KHDRBS2: variants seen among roughly 807,000 people sequenced by gnomAD.
KHDRBS2 encodes the protein KH RNA binding domain containing, signal transduction associated 2, also known as KH domain-containing, RNA-binding, signal transduction-associated protein 2.
In KHDRBS2, 26 loss-of-function variants were observed where a neutral mutation model predicts 44.3. The observed-to-expected ratio is 0.59, with a 90% confidence interval of 0.43 to 0.81. The LOEUF (loss-of-function observed/expected upper bound fraction) is 0.81. Ranked by LOEUF, KHDRBS2 falls within the 40% of genes least tolerant of loss-of-function variation. The pLI is 0.00. For missense variants in KHDRBS2, 476 were observed against 433.1 expected, an observed-to-expected ratio of 1.10 and a Z score of -0.88; for synonymous variants, 194 against 151.1, an observed-to-expected ratio of 1.28 and a Z score of -2.08.
At chr6:62,133,269 G>A (rs1450291413) in intron 2 of KHDRBS2, among the ~76,000 whole-genome samples, 2 of 152,070 alleles carry the variant, frequency 1.3e-5, no homozygotes, top group Non-Finnish European at 2.9e-5. Flanking sequence ...AGACACAGTG[G>A]GAGATAACTG....
intron 8 of KHDRBS2, among the ~76,000 whole-genome samples, chr6:61,689,287 A>G (rs1245628011): frequency 6.6e-6 from 1 of 151,896 alleles, no homozygotes; most frequent in African/African-American, 2.4e-5. Flanking sequence ...GCTATGATAA[A>G]ACTATAATCA....
intron 2 of KHDRBS2, among the ~76,000 whole-genome samples, chr6:62,050,605 T>A (rs751409698): frequency 6.6e-6 from 1 of 150,746 alleles, no homozygotes; most frequent in Non-Finnish European, 1.5e-5. Context: ...CACACACACA[T>A]ATATACATAC....
intron 2 of KHDRBS2, among the ~76,000 whole-genome samples, chr6:62,088,989 T>G (rs1798964573): frequency 6.6e-6 from 1 of 152,212 alleles, no homozygotes; most frequent in African/African-American, 2.4e-5. Context: ...CTCCACCCAG[T>G]GTGAACTTCC....
At chr6:61,977,897 T>C (rs1773025082) in intron 4 of KHDRBS2, among the ~76,000 whole-genome samples, 169 bp downstream of exon 4, 1 of 152,300 alleles carries the variant, frequency 6.6e-6, no homozygotes, top group East Asian at 1.9e-4. Context: ...CCAGGTCCTG[T>C]GTTAAGTGGT....
At chr6:61,772,236 A>G (rs1303188594) in intron 6 of KHDRBS2, among the ~76,000 whole-genome samples, 3 of 152,200 alleles carry the variant, frequency 2.0e-5, no homozygotes, top group South Asian at 2.1e-4. Flanking sequence ...TAAAATTGAC[A>G]CCCTAACATC....
chr6:61,617,352 G>A, the KHDRBS2 span, among the ~76,000 whole-genome samples: 1 of 152,048 alleles, frequency 6.6e-6, no homozygotes, highest in Non-Finnish European at 1.5e-5. Flanking sequence ...AATTTTGAAG[G>A]ATAACTATGC....
At chr6:62,122,497 G>A (rs541114468) in intron 2 of KHDRBS2, among the ~76,000 whole-genome samples, 8 of 152,166 alleles carry the variant, frequency 5.3e-5, no homozygotes, top group Admixed American at 2.6e-4. Flanking sequence ...ATATGTGATT[G>A]GGCTCCAGCA....
At chr6:61,722,897 G>C (rs1052353680) in intron 7 of KHDRBS2, among the ~76,000 whole-genome samples, 1 of 151,964 alleles carries the variant, frequency 6.6e-6, no homozygotes, top group Non-Finnish European at 1.5e-5. Flanking sequence ...TTTTAGTAGA[G>C]ATGGGGTTTC....
chr6:61,993,294 G>A (rs990501405), intron 3 of KHDRBS2, among the ~76,000 whole-genome samples: 4 of 151,840 alleles, frequency 2.6e-5, no homozygotes, highest in Admixed American at 6.6e-5. Flanking sequence ...TAGTATCACC[G>A]AAAACCTTTC....
chr6:62,176,850 G>A (rs992742331), intron 2 of KHDRBS2, among the ~76,000 whole-genome samples: 6 of 151,166 alleles, frequency 4.0e-5, no homozygotes, highest in African/African-American at 1.5e-4. Flanking sequence ...CCGTTTTATA[G>A]TAAGGATATA....
chr6:61,659,328 T>C, the KHDRBS2 span, among the ~76,000 whole-genome samples: 1 of 151,896 alleles, frequency 6.6e-6, no homozygotes, highest in African/African-American at 2.4e-5. Context: ...GATAATCAAG[T>C]ACTCCTAGAG....
intron 2 of KHDRBS2, among the ~76,000 whole-genome samples, chr6:62,146,557 G>A (rs1813988164): frequency 6.6e-6 from 1 of 151,530 alleles, no homozygotes; most frequent in South Asian, 2.1e-4. Context: ...TTTGATTTCT[G>A]TAAAATATGT....
At chr6:61,712,418 T>C (rs1164192775) in intron 7 of KHDRBS2, among the ~76,000 whole-genome samples, 1 of 151,874 alleles carries the variant, frequency 6.6e-6, no homozygotes, top group African/African-American at 2.4e-5. Flanking sequence ...TAGGTTTACA[T>C]GACACATTAG....
At chr6:61,623,880 G>T in the KHDRBS2 span, among the ~76,000 whole-genome samples, 1 of 152,160 alleles carries the variant, frequency 6.6e-6, no homozygotes, top group Non-Finnish European at 1.5e-5. Context: ...TTCAGGGATG[G>T]CTTTAAAACA....
At chr6:61,841,495 C>T (rs182843282) in intron 6 of KHDRBS2, among the ~76,000 whole-genome samples, 59 of 152,196 alleles carry the variant, frequency 3.9e-4, no homozygotes, top group Middle Eastern at 3.4e-3. Flanking sequence ...TTTGGCTTTA[C>T]AAAGATTAAA....
chr6:61,675,615 A>C (rs1440556651), downstream of KHDRBS2, among the ~76,000 whole-genome samples: 4 of 151,788 alleles, frequency 2.6e-5, no homozygotes, highest in Non-Finnish European at 5.9e-5. Flanking sequence ...GCACTATAAG[A>C]CCTCAGGACA....
intron 1 of KHDRBS2, among the ~76,000 whole-genome samples, chr6:62,283,667 A>T (rs1254153628): frequency 6.6e-6 from 1 of 152,112 alleles, no homozygotes; most frequent in Non-Finnish European, 1.5e-5. Flanking sequence ...ACTCTTCTAT[A>T]GAGATCTGAA....
chr6:61,595,029 GTC>G, the KHDRBS2 span, among the ~76,000 whole-genome samples: 1 of 152,038 alleles, frequency 6.6e-6, no homozygotes, highest in African/African-American at 2.4e-5. Flanking sequence ...CAGACATACA[GTC>G]TCTGTTTCCT....
At chr6:61,748,943 T>C (rs1777234787) in intron 6 of KHDRBS2, among the ~76,000 whole-genome samples, 1 of 151,890 alleles carries the variant, frequency 6.6e-6, no homozygotes, top group Non-Finnish European at 1.5e-5. Flanking sequence ...GGAACTGAAT[T>C]TTAAATTTTA....
Sources: gnomAD v4.1 joint callset for allele counts (sites outside exome capture counted in the v4.1 genomes callset) on GRCh38, gnomAD v4.1.1 for gene constraint, MANE v1.5 for transcripts, NCBI Gene and HGNC (gene_info 2026-07-23, HGNC 2026-07-21) for gene names.